RANBP17: variants seen among roughly 807,000 people sequenced by gnomAD.
RANBP17 encodes ran-binding protein 17.
Under a neutral mutation model 141.2 loss-of-function variants are expected in RANBP17, and 158 were observed. The observed-to-expected ratio is 1.12, with a 90% confidence interval of 0.98 to 1.28. The LOEUF (loss-of-function observed/expected upper bound fraction) is 1.28, where lower values mean the gene tolerates loss of function less well. Ranked by LOEUF, RANBP17 falls within the 50% of genes most tolerant of loss-of-function variation. The pLI, the probability that RANBP17 is intolerant of heterozygous loss-of-function variation, is 0.00. For synonymous variants in RANBP17, 430 were observed against 450.0 expected (o/e 0.96, Z 0.56); for missense variants, 1,438 against 1,290.7 (o/e 1.11, Z -1.75).
intron 14 of RANBP17, among the ~76,000 whole-genome samples, chr5:171,071,261 T>G (rs1469190693): frequency 6.6e-6 from 1 of 152,096 alleles, no homozygotes; most frequent in Non-Finnish European, 1.5e-5. Context: ...GAGCTCAATA[T>G]TGTTAAGATG....
intron 14 of RANBP17, among the ~76,000 whole-genome samples, chr5:171,031,809 C>G (rs1441581866): frequency 6.6e-6 from 1 of 151,962 alleles, no homozygotes; most frequent in African/African-American, 2.4e-5. Context: ...GCCATTAACT[C>G]ATAAAAACGT....
chr5:171,272,647 G>C (rs140806682), intron 25 of RANBP17, among the ~76,000 whole-genome samples: 49 of 152,258 alleles, frequency 3.2e-4, no homozygotes, highest in African/African-American at 1.2e-3. Context: ...CCTTTGTTTA[G>C]TGGCTTCTAA....
At chr5:171,131,384 C>T (rs1480811236) in intron 14 of RANBP17, among the ~76,000 whole-genome samples, 1 of 152,132 alleles carries the variant, frequency 6.6e-6, no homozygotes, top group African/African-American at 2.4e-5. Context: ...GTTAATTTAC[C>T]TAGCTCACTG....
At chr5:171,168,519 G>A (rs1759860753) in intron 14 of RANBP17, among the ~76,000 whole-genome samples, 1 of 152,104 alleles carries the variant, frequency 6.6e-6, no homozygotes, top group South Asian at 2.1e-4. Flanking sequence ...ATATACGAGA[G>A]AGGTTTGGCA....
chr5:171,199,824 A>G (rs1050910874), intron 19 of RANBP17, 51 bp downstream of exon 19: 1 of 1,121,438 alleles, frequency 8.9e-7, no homozygotes, highest in Admixed American at 1.9e-5. Flanking sequence ...TTTCTAGGAT[A>G]TCTAGATCCA....
intron 14 of RANBP17, among the ~76,000 whole-genome samples, chr5:171,089,734 G>A (rs181970107): frequency 4.6e-5 from 7 of 151,508 alleles, no homozygotes; most frequent in Non-Finnish European, 8.8e-5. Flanking sequence ...AGGTGCGTTC[G>A]TCACCCCTTT....
At chr5:171,225,608 A>G (rs765799280) in intron 22 of RANBP17, among the ~76,000 whole-genome samples, 3 of 152,180 alleles carry the variant, frequency 2.0e-5, no homozygotes, top group Non-Finnish European at 2.9e-5. Context: ...AGGTGAAGGA[A>G]AGGGAAGCCA....
chr5:171,204,847 C>G (rs949477756), intron 19 of RANBP17, among the ~76,000 whole-genome samples: 6 of 152,152 alleles, frequency 3.9e-5, no homozygotes, highest in Non-Finnish European at 7.4e-5. Context: ...CACAGTGCCT[C>G]TGTGAGAAAT....
chr5:171,250,142 C>T (rs776638613), intron 24 of RANBP17, among the ~76,000 whole-genome samples: 3 of 152,176 alleles, frequency 2.0e-5, no homozygotes, highest in African/African-American at 7.2e-5. Context: ...GCCAAGAATA[C>T]TACATCCAGT....
At chr5:171,186,992 A>T (rs1761301890) in intron 18 of RANBP17, among the ~76,000 whole-genome samples, 1 of 152,134 alleles carries the variant, frequency 6.6e-6, no homozygotes, top group African/African-American at 2.4e-5. Flanking sequence ...AAAGCTTTTG[A>T]CATGTCTTTC....
At chr5:170,993,981 C>T (rs562626355) in intron 14 of RANBP17, among the ~76,000 whole-genome samples, 27 of 152,126 alleles carry the variant, frequency 1.8e-4, no homozygotes, top group Admixed American at 9.8e-4. Context: ...GCATGTTAAA[C>T]GCTTTAAGGA....
chr5:171,297,488 G>T (rs1456391182), intron 27 of RANBP17, among the ~76,000 whole-genome samples: 3 of 152,214 alleles, frequency 2.0e-5, no homozygotes. Flanking sequence ...TAGCCACAGT[G>T]TATTCTGGAG....
chr5:171,146,159 C>A (rs1758015240), intron 14 of RANBP17, among the ~76,000 whole-genome samples: 1 of 152,086 alleles, frequency 6.6e-6, no homozygotes. Flanking sequence ...TCTAAGGTAA[C>A]AAATAAGGAT....
intron 18 of RANBP17, among the ~76,000 whole-genome samples, chr5:171,188,060 C>G (rs760595001): frequency 1.4e-4 from 22 of 151,984 alleles, no homozygotes; most frequent in Non-Finnish European, 2.2e-4. Flanking sequence ...TGCTTTTCCA[C>G]AGACTAAATC....
intron 14 of RANBP17, among the ~76,000 whole-genome samples, chr5:171,163,774 C>G (rs1393718187): frequency 6.6e-6 from 1 of 152,088 alleles, no homozygotes; most frequent in Non-Finnish European, 1.5e-5. Flanking sequence ...TGTGGTATCA[C>G]TTTTGTATTA....
At chr5:170,892,690 G>C (rs1769753848) in intron 4 of RANBP17, 137 bp downstream of exon 4, 1 of 648,072 alleles carries the variant, frequency 1.5e-6, no homozygotes. Flanking sequence ...TTATCCTCTG[G>C]ATCCTTTATC....
intron 14 of RANBP17, chr5:171,143,255 C>G (rs1757819827): frequency 6.6e-6 from 1 of 152,146 alleles, no homozygotes. Flanking sequence ...GTATGTGTTG[C>G]TATGAAACAC....
intron 14 of RANBP17, among the ~76,000 whole-genome samples, chr5:171,059,627 G>A (rs1448727842): frequency 6.6e-6 from 1 of 151,922 alleles, no homozygotes; most frequent in African/African-American, 2.4e-5. Context: ...TTTTGGCTTA[G>A]GATTGACTTG....
intron 14 of RANBP17, among the ~76,000 whole-genome samples, chr5:171,130,364 C>T (rs1009458981): frequency 1.3e-5 from 2 of 151,496 alleles, no homozygotes; most frequent in Non-Finnish European, 2.9e-5. Context: ...AGCTTTTCTC[C>T]CTGAATATAA....
Sources: allele counts gnomAD v4.1 joint callset (sites outside exome capture counted in the v4.1 genomes callset), GRCh38; gene constraint gnomAD v4.1.1; transcripts MANE v1.5; gene names NCBI Gene and HGNC (gene_info 2026-07-23, HGNC 2026-07-21).